NFIX: variants seen among roughly 807,000 people sequenced by gnomAD.
NFIX encodes the protein nuclear factor 1 X-type.
A neutral mutation model predicts 53.3 loss-of-function variants in NFIX; 2 were observed. That is an observed-to-expected ratio of 0.04 (90% confidence interval 0.02 to 0.12). The LOEUF is 0.12. Among genes scored for constraint, NFIX ranks in the 10% least tolerant of loss-of-function variants. NFIX has a pLI of 1.00. For missense variants in NFIX, 310 were observed against 674.5 expected (o/e 0.46, Z 5.99); for synonymous variants, 244 against 289.0 (o/e 0.84, Z 1.58).
chr19:13,086,018 G>T (rs1377353498), intron 8 of NFIX, among the ~76,000 whole-genome samples: 1 of 152,224 alleles, frequency 6.6e-6, no homozygotes, highest in Non-Finnish European at 1.5e-5. Context: ...GTGATTCAGG[G>T]GATCTGGCTG....
At chr19:13,080,728 C>T (rs569234930) in intron 7 of NFIX, among the ~76,000 whole-genome samples, 10 of 152,168 alleles carry the variant, frequency 6.6e-5, no homozygotes, top group South Asian at 6.2e-4. Flanking sequence ...TGGCTGGGCG[C>T]GGTGTCTCAC....
chr19:13,032,186 G>T (rs1438131175), intron 2 of NFIX, among the ~76,000 whole-genome samples: 1 of 152,196 alleles, frequency 6.6e-6, no homozygotes, highest in African/African-American at 2.4e-5. Context: ...TATTTGGGTT[G>T]CTTCATTCTC....
At position 13,006,756 on chromosome 19, in the gene NFIX, C is replaced by T. The variant is rs1354314975; in HGVS notation, c.27+10892C>T. Among the ~76,000 whole-genome samples, 1 of 152,252 alleles carries T rather than the reference C, an allele frequency of 6.6e-6. No homozygotes were observed. Among genetic ancestry groups the T allele is most frequent in the African/African-American group, 2.4e-5 (1 of 41,468 alleles). ...CTCCCACCAGGGCCCCAGATTCTCT[C>T]CACCCCCAAAGCTCCAGGCTTGAGA... On this transcript the variant is annotated intron_variant, in intron 1 of 10. Coordinates refer to ENST00000592199, the MANE Select transcript of NFIX (RefSeq NM_001365902.3). This position sits in a 1 kb window ranked among gnomAD's most constrained non-coding sequence, Gnocchi z 5.6.
chr19:13,032,073 G>A (rs183293625), intron 2 of NFIX, among the ~76,000 whole-genome samples: 1 of 152,248 alleles, frequency 6.6e-6, no homozygotes, highest in Non-Finnish European at 1.5e-5. Context: ...CCGTGTCAGC[G>A]CGGTGCTCGC....
chr19:13,074,537 A>G (rs917264311), intron 5 of NFIX, among the ~76,000 whole-genome samples: 38 of 151,886 alleles, frequency 2.5e-4, no homozygotes, highest in Non-Finnish European at 8.8e-5. Flanking sequence ...AGCTCTCTCC[A>G]GCAACAGTGT....
chr19:13,078,685 G>C lies in NFIX; in HGVS notation c.1028G>C (p.Arg343Pro). Residue 343 changes from arginine to proline, a missense_variant, in exon 7 of 11, where the codon CGC becomes CCC. This residue lies in a region of NFIX where 164 missense variants were observed against 284.4 expected (regional missense o/e 0.58). Coordinates refer to ENST00000592199, the MANE Select transcript of NFIX (RefSeq NM_001365902.3). The surrounding 1 kb of genome is among the most constrained non-coding windows in gnomAD (Gnocchi z 4.7). ...SALSSQGSSP[R>P]MAFTHHPLPV... ...CTCTCCTCTCAGGGCAGCTCCCCGC[G>C]CATGGCTTTCACCCACCACCCGCTG... is the stretch of plus-strand genomic sequence containing the variant. 6.3e-7 allele frequency: 1 copy of C among 1,599,216 alleles called. No homozygotes were observed. Among genetic ancestry groups the C allele is most frequent in the Non-Finnish European group, 8.5e-7 (1 of 1,173,268 alleles).
chr19:13,020,323 C>A (rs2012901120), intron 1 of NFIX, among the ~76,000 whole-genome samples: 1 of 152,254 alleles, frequency 6.6e-6, no homozygotes, highest in South Asian at 2.1e-4. Flanking sequence ...GAGGAGGGGG[C>A]CCGCAGTGAA....
At position 13,006,082 on chromosome 19, in the gene NFIX, C is replaced by G. The variant is rs2011998739; in HGVS notation, c.27+10218C>G. ...AGCAAAATCTGCAAAGATGCCAGCCCCGGTGGGAGGGCAGACTGTGAATCT... is the reference window on the plus strand; with the variant it reads ...AGCAAAATCTGCAAAGATGCCAGCCGCGGTGGGAGGGCAGACTGTGAATCT... On this transcript the variant is annotated intron_variant, in intron 1 of 10. Transcript: ENST00000592199. The surrounding 1 kb of genome is among the most constrained non-coding windows in gnomAD (Gnocchi z 5.6). Among the ~76,000 whole-genome samples the G allele has an allele frequency of 6.6e-6, 1 of 152,204 alleles. No individual in the cohort carries two copies. The highest frequency in any genetic ancestry group is 2.4e-5 in the African/African-American group (1 of 41,444).
intron 2 of NFIX, among the ~76,000 whole-genome samples, chr19:13,042,771 A>G (rs1427817656): frequency 8.8e-6 from 1 of 113,532 alleles, no homozygotes; most frequent in South Asian, 2.7e-4. Context: ...GTTCATCCCC[A>G]TTGTAAATTC....
Position 12,998,380 on chromosome 19 carries a change from G to C in NFIX, c.27+2516G>C, listed in dbSNP as rs1337854599. ...AACCAGAATTGGCTTCGATTTTAAA[G>C]TCAATAAATGATTGAGCAGGAACGA... On this transcript the variant is annotated intron_variant, in intron 1 of 10. Transcript: ENST00000592199. This position sits in a 1 kb window ranked among gnomAD's most constrained non-coding sequence, Gnocchi z 4.4. Among the ~76,000 whole-genome samples the C allele has an allele frequency of 2.6e-5, 4 of 151,372 alleles. No homozygotes were observed. The highest frequency in any genetic ancestry group is 5.9e-5 in the Non-Finnish European group (4 of 67,932).
chr19:13,056,395 G>C (rs2015694986), intron 2 of NFIX, among the ~76,000 whole-genome samples: 1 of 152,230 alleles, frequency 6.6e-6, no homozygotes, highest in African/African-American at 2.4e-5. Flanking sequence ...CTGCACTTAT[G>C]AGGTGCTCAC....
chr19:13,018,491 A>G lies in NFIX; in HGVS notation c.28-6530A>G, dbSNP rs549667564. 9.8e-5 allele frequency among the ~76,000 whole-genome samples: 15 copies of G among 152,370 alleles called. No homozygotes were observed. The East Asian group carries it at 2.7e-3, about 27-fold the overall frequency. On this transcript the variant is annotated intron_variant, in intron 1 of 10. Transcript: ENST00000592199. Reference sequence around the variant, plus strand: ...CTGCGCAGAGCCGCCTTTCCTGAGCAGAGGAAAACAGGCCCAAGTCAGCCA... The same window carrying G: ...CTGCGCAGAGCCGCCTTTCCTGAGCGGAGGAAAACAGGCCCAAGTCAGCCA...
chr19:13,056,777 T>C (rs1050687225), intron 2 of NFIX, among the ~76,000 whole-genome samples: 1 of 152,232 alleles, frequency 6.6e-6, no homozygotes, highest in Non-Finnish European at 1.5e-5. Flanking sequence ...GGGCACCTTG[T>C]TCAAAAATTA....
At chr19:13,029,812 CTAGTT>C (rs1426167342) in intron 2 of NFIX, among the ~76,000 whole-genome samples, 1 of 152,182 alleles carries the variant, frequency 6.6e-6, no homozygotes, top group African/African-American at 2.4e-5. Context: ...TTTCGGCACT[CTAGTT>C]TAGGGTTTGG....
Position 13,073,914 on chromosome 19 carries a change from G to A in NFIX, c.706G>A (p.Ala236Thr). Reference sequence around the variant, plus strand: ...CCTCTCGTTCTTCCCAGCTCCTGTTGCAACAGCATCAGGGCCCAACTTCTC... The same window carrying A: ...CCTCTCGTTCTTCCCAGCTCCTGTTACAACAGCATCAGGGCCCAACTTCTC... ...ELVRVSQTPVATASGPNFSLA... is the reference protein window; with the variant it reads ...ELVRVSQTPVTTASGPNFSLA... Residue 236 changes from alanine (A) to threonine (T), a missense_variant, in exon 5 of 11, where the codon GCA becomes ACA. Physicochemically the swap from Ala to Thr is moderately conservative, Grantham distance 58. Transcript: ENST00000592199. This position sits in a 1 kb window ranked among gnomAD's most constrained non-coding sequence, Gnocchi z 4.5. 1 of 1,613,940 alleles carries A rather than the reference G, an allele frequency of 6.2e-7. No individual in the cohort carries two copies. The highest frequency in any genetic ancestry group is 8.5e-7 in the Non-Finnish European group (1 of 1,179,896).
intron 1 of NFIX, among the ~76,000 whole-genome samples, chr19:13,020,671 T>G (rs2012917644): frequency 6.6e-6 from 1 of 152,194 alleles, no homozygotes; most frequent in Non-Finnish European, 1.5e-5. Context: ...TAAGAGAGCC[T>G]TGAGGGGGTG....
In NFIX at chr19:13,090,056, C is replaced by T. The variant is rs543583809; in HGVS notation, c.1403-243C>T. 5.9e-5 allele frequency among the ~76,000 whole-genome samples: 9 copies of T among 152,222 alleles called. No homozygotes were observed. Among genetic ancestry groups the T allele is most frequent in the African/African-American group, 1.9e-4 (8 of 41,536 alleles). ...CTGTGGCTTCTGAGTGGGTGTGTGT[C>T]GGGGGTGTAGTGTGTGTTCCTGGTC... On this transcript the variant is annotated intron_variant, in intron 9 of 10. Coordinates refer to ENST00000592199, the MANE Select transcript of NFIX (RefSeq NM_001365902.3). This position sits in a 1 kb window ranked among gnomAD's most constrained non-coding sequence, Gnocchi z 6.6.
chr19:13,054,615 G>A (rs1051538109), intron 2 of NFIX, among the ~76,000 whole-genome samples: 2 of 152,116 alleles, frequency 1.3e-5, no homozygotes, highest in African/African-American at 2.4e-5. Context: ...AGCTGGGTCC[G>A]TAGCAAGTGG....
chr19:13,024,156 C>T, intron 1 of NFIX: 2 of 746,122 alleles, frequency 2.7e-6, no homozygotes, highest in South Asian at 3.7e-5. Flanking sequence ...AGAGCCCATC[C>T]TTCTGTCACC....
Sources: allele counts gnomAD v4.1 joint callset (sites outside exome capture counted in the v4.1 genomes callset), GRCh38; gene constraint gnomAD v4.1.1; regional missense constraint gnomAD v4.1.1; non-coding constraint Gnocchi (gnomAD v3.1); transcripts MANE v1.5; gene names NCBI Gene and HGNC (gene_info 2026-07-23, HGNC 2026-07-21).